The following SPATC1 variants were observed in gnomAD, a reference collection of about 807,000 sequenced individuals.
SPATC1 encodes the protein speriolin.
Under a neutral mutation model 36.5 loss-of-function variants are expected in SPATC1, and 35 were observed. That is an observed-to-expected ratio of 0.96 (90% CI 0.73 to 1.27). The LOEUF is 1.27. Among genes scored for constraint, SPATC1 ranks in the 50% most tolerant of loss-of-function variants. SPATC1 has a pLI of 0.00. For missense variants in SPATC1, 779 were observed against 796.0 expected (o/e 0.98, Z 0.26); for synonymous variants, 361 against 353.6 (o/e 1.02, Z -0.24).
At chr8:144,037,973 C>CA (rs1277310085) in intron 1 of SPATC1, among the ~76,000 whole-genome samples, 3 of 150,704 alleles carry the variant, frequency 2.0e-5, no homozygotes, top group South Asian at 4.2e-4. Context: ...CCTAAAAATA[C>CA]AAAAAATTAG....
rs782055306 is a variant in SPATC1, at chr8:144,039,772, C to T, written c.212-137C>T. On this transcript the variant is annotated intron_variant, in intron 1 of 4. Transcript: ENST00000377470. ...TGCCTAAGAAGTGAGGCTCAGAGAC[C>T]AGGTCGGACCAGTCAGCTCATCGGG... The T allele has an allele frequency of 2.0e-4, 178 of 879,204 alleles. 1 individual carries two copies. Among genetic ancestry groups the T allele is most frequent in the Non-Finnish European group, 1.9e-4 (107 of 573,670 alleles). The allele number at this position is 879,204 out of a possible 1,614,324, so 54.5% of individuals were successfully genotyped here. A position where few individuals can be genotyped will look rare whatever the true frequency, so the allele number is the denominator to read the frequency against.
chr8:144,022,854 C>T (rs1264299858), intron 1 of SPATC1, among the ~76,000 whole-genome samples: 1 of 151,340 alleles, frequency 6.6e-6, no homozygotes, highest in Non-Finnish European at 1.5e-5. Context: ...TGAGGACCCT[C>T]TCTCCTCAGG....
Position 144,040,766 on chromosome 8 carries a change from T to TCCCCCCCCCCC in SPATC1, c.969_970insCCCCCCCCCCC (p.Thr324ProfsTer96). The TCCCCCCCCCCC allele has an allele frequency of 6.2e-7, 1 of 1,601,864 alleles. No homozygotes were observed. Among genetic ancestry groups the TCCCCCCCCCCC allele is most frequent in the Non-Finnish European group, 8.5e-7 (1 of 1,175,068 alleles). ...CAGGAACAAGTGGTCCCTGCATCTG[T>TCCCCCCCCCCC]CCCCACCTCCCCCACCACCTCCCCC... On this transcript the variant is annotated frameshift_variant, in exon 3 of 5. Coordinates refer to ENST00000377470, the MANE Select transcript of SPATC1 (RefSeq NM_198572.3). LOFTEE classifies it high-confidence loss of function.
At chr8:144,014,435 GGAAGAA>G (rs782375510) in intron 1 of SPATC1, among the ~76,000 whole-genome samples, 4 of 149,152 alleles carry the variant, frequency 2.7e-5, no homozygotes, top group African/African-American at 5.0e-5. Context: ...GAAGAAAGAA[GGAAGAA>G]GAAGAAGAAG....
chr8:144,037,179 G>A lies in SPATC1; in HGVS notation c.212-2730G>A, dbSNP rs577649896. 6.2e-3 allele frequency among the ~76,000 whole-genome samples: 844 copies of A among 136,532 alleles called. 5 individuals are homozygous for A. The highest frequency in any genetic ancestry group is 8.9e-3 in the African/African-American group (327 of 36,650). 89.6% of individuals were successfully genotyped at this position (136,532 alleles called of 152,430 possible). A position where few individuals can be genotyped will look rare whatever the true frequency, so the allele number is the denominator to read the frequency against. On this transcript the variant is annotated intron_variant, in intron 1 of 4. Coordinates refer to ENST00000377470, the MANE Select transcript of SPATC1 (RefSeq NM_198572.3). ...AGCCCCCCACCCAGCCGGCCGCCCC[G>A]TCCGGGAGGGAGGTGGGGGGGTCAG...
chr8:144,040,920 C>T lies in SPATC1; in HGVS notation c.1119C>T (p.Thr373=). 6.3e-7 allele frequency: 1 copy of T among 1,596,100 alleles called. No individual in the cohort carries two copies. Among genetic ancestry groups the T allele is most frequent in the Non-Finnish European group, 8.5e-7 (1 of 1,170,206 alleles). The change falls in exon 3 of 5, where the codon ACC becomes ACT. Residue 373 remains threonine (T), a synonymous_variant. Coordinates refer to ENST00000377470, the MANE Select transcript of SPATC1 (RefSeq NM_198572.3). Reference sequence around the variant, plus strand: ...CTTCCCGAATGCATAATTCCCCAACCCAGAACCTGCCTGTCCCCCACTGTC... The same window carrying T: ...CTTCCCGAATGCATAATTCCCCAACTCAGAACCTGCCTGTCCCCCACTGTC... ...HPPSRMHNSP[T]QNLPVPHCPP...
rs781798240 is a variant in SPATC1, at chr8:144,040,433, G to T, written c.736G>T (p.Ala246Ser). The change falls in exon 2 of 5, where the codon GCT becomes TCT. Residue 246 changes from alanine to serine, a missense_variant. Coordinates refer to ENST00000377470, the MANE Select transcript of SPATC1 (RefSeq NM_198572.3). ...AGGCCCCACTGGGCCCCAGTCCCCA[G>T]CTTGCGTGGTACCCACTGCCACCAC... Reference protein sequence around the residue: ...RGGPTGPQSPACVVPTATTKV... With the variant: ...RGGPTGPQSPSCVVPTATTKV... The T allele has an allele frequency of 5.0e-6, 8 of 1,605,862 alleles. No individual in the cohort carries two copies. The highest frequency in any genetic ancestry group is 6.8e-6 in the Non-Finnish European group (8 of 1,176,790).
rs1432635746 is a variant in SPATC1 at position 144,021,444 on chromosome 8, G to A, written c.211+8718G>A. 3.3e-4 allele frequency among the ~76,000 whole-genome samples: 41 copies of A among 124,490 alleles called. 3 individuals are homozygous for A. Among genetic ancestry groups the A allele is most frequent in the Admixed American group, 2.9e-3 (37 of 12,838 alleles). 81.7% of individuals were successfully genotyped at this position (124,490 alleles called of 152,430 possible). A position where few individuals can be genotyped will look rare whatever the true frequency, so the allele number is the denominator to read the frequency against. On this transcript the variant is annotated intron_variant, in intron 1 of 4. Transcript: ENST00000377470. ...CCACCTTAGAACCCTCTCCCCTCAA[G>A]ACTGCCTTCTCTCAGGACCCTCTCC... is the stretch of plus-strand genomic sequence containing the variant.
chr8:144,040,481 T>C lies in SPATC1; in HGVS notation c.766+18T>C, dbSNP rs782502526. ...CACCAAAGGTAACAGGTGTGGTGGG[T>C]GGTGGGTGGCAGAGTGGGGGGGGGC... On this transcript the variant is annotated intron_variant, in intron 2 of 4. Coordinates refer to ENST00000377470, the MANE Select transcript of SPATC1 (RefSeq NM_198572.3). The C allele has an allele frequency of 1.5e-5, 23 of 1,573,256 alleles. No individual in the cohort carries two copies. In the South Asian group the frequency reaches 2.6e-4, roughly 18 times the overall value.
chr8:144,019,871 A>C (rs1475967402), intron 1 of SPATC1, among the ~76,000 whole-genome samples: 1 of 151,682 alleles, frequency 6.6e-6, no homozygotes, highest in Non-Finnish European at 1.5e-5. Flanking sequence ...CTACCTGAGG[A>C]TCCTCTCCCC....
intron 1 of SPATC1, among the ~76,000 whole-genome samples, chr8:144,021,103 T>TCTTCCCTC (rs1834517137): frequency 5.3e-4 from 1 of 1,878 alleles, no homozygotes; most frequent in Non-Finnish European, 9.8e-4. Context: ...CATCCCCTCA[T>TCTTCCCTC]AACCCACTTT....
In SPATC1 at chr8:144,023,796, CTCTAGA is replaced by C. The variant is rs1587498299; in HGVS notation, c.211+11071_211+11076del. On this transcript the variant is annotated intron_variant, in intron 1 of 4. Transcript: ENST00000377470. Reference sequence around the variant, plus strand: ...CTAAGGTCCCTCTTCCCTCAGAACCCTCTAGAACCCTGTCCCTGTCCCCTCAGGACC... The same window carrying C: ...CTAAGGTCCCTCTTCCCTCAGAACCCACCCTGTCCCTGTCCCCTCAGGACC... Among the ~76,000 whole-genome samples, 40 of 114,816 alleles carry C rather than the reference CTCTAGA, an allele frequency of 3.5e-4. 19 individuals are homozygous for C. Among genetic ancestry groups the C allele is most frequent in the Admixed American group, 6.7e-4 (8 of 11,874 alleles). The allele number at this position is 114,816 out of a possible 152,430, so 75.3% of individuals were successfully genotyped here.
chr8:144,035,752 C>A (rs1408748642), intron 1 of SPATC1, among the ~76,000 whole-genome samples: 1 of 152,256 alleles, frequency 6.6e-6, no homozygotes, highest in South Asian at 2.1e-4. Context: ...TGTCTTCTCA[C>A]CTGACCTGGC....
intron 1 of SPATC1, among the ~76,000 whole-genome samples, chr8:144,018,247 T>C (rs973493632): frequency 6.6e-5 from 10 of 152,168 alleles, no homozygotes; most frequent in Admixed American, 5.2e-4. Context: ...CAGTGGACAA[T>C]TCATGACATT....
intron 1 of SPATC1, among the ~76,000 whole-genome samples, chr8:144,031,294 T>C (rs1488252643): frequency 6.6e-6 from 1 of 152,162 alleles, no homozygotes; most frequent in Non-Finnish European, 1.5e-5. Flanking sequence ...AATATAGAAT[T>C]CTTCTTTGAT....
chr8:144,040,770 C>T lies in SPATC1; in HGVS notation c.969C>T (p.Pro323=), dbSNP rs782446328. 1.1e-5 allele frequency: 18 copies of T among 1,595,578 alleles called. No homozygotes were observed. The highest frequency in any genetic ancestry group is 1.2e-5 in the Non-Finnish European group (14 of 1,171,934). The change falls in exon 3 of 5, where the codon CCC becomes CCT. Residue 323 remains proline (P), a synonymous_variant. Transcript: ENST00000377470. ...AQEQVVPASV[P]TSPTTSPTVT... is the part of the protein sequence containing the mutation. ...AACAAGTGGTCCCTGCATCTGTCCCCACCTCCCCCACCACCTCCCCCACGG... is the reference window on the plus strand; with the variant it reads ...AACAAGTGGTCCCTGCATCTGTCCCTACCTCCCCCACCACCTCCCCCACGG...
rs1835073096 is a variant in SPATC1, at chr8:144,040,919, C to G, written c.1118C>G (p.Thr373Ser). Residue 373 changes from threonine (T) to serine (S), a missense_variant, in exon 3 of 5, where the codon ACC (threonine) becomes AGC (serine). By Grantham distance (58) the Thr-to-Ser change is moderately conservative. Transcript: ENST00000377470. ...CCTTCCCGAATGCATAATTCCCCAA[C>G]CCAGAACCTGCCTGTCCCCCACTGT... ...HPPSRMHNSP[T>S]QNLPVPHCPP... The G allele has an allele frequency of 6.3e-7, 1 of 1,595,522 alleles. No homozygotes were observed. Among genetic ancestry groups the G allele is most frequent in the Non-Finnish European group, 8.5e-7 (1 of 1,169,858 alleles).
At chr8:144,015,206 A>T (rs1306955295) in intron 1 of SPATC1, among the ~76,000 whole-genome samples, 2 of 141,368 alleles carry the variant, frequency 1.4e-5, no homozygotes, top group African/African-American at 5.2e-5. Context: ...CTCCTGGCTA[A>T]TTTTTTTTTT....
chr8:144,018,417 C>A (rs1221642083), intron 1 of SPATC1, among the ~76,000 whole-genome samples: 1 of 152,016 alleles, frequency 6.6e-6, no homozygotes, highest in Admixed American at 6.6e-5. Flanking sequence ...AGGGAGAGGG[C>A]AGTAGCTGGG....
Sources: gnomAD v4.1 joint callset for allele counts (sites outside exome capture counted in the v4.1 genomes callset) on GRCh38, gnomAD v4.1.1 for gene constraint, MANE v1.5 for transcripts, NCBI Gene and HGNC (gene_info 2026-07-23, HGNC 2026-07-21) for gene names.